RWDD1: variants seen among roughly 807,000 people sequenced by gnomAD.
RWDD1 encodes RWD domain containing 1.
In RWDD1, 17 loss-of-function variants were observed where a neutral mutation model predicts 31.6. That is an observed-to-expected ratio of 0.54 (90% CI 0.37 to 0.81). RWDD1 has a LOEUF of 0.81. Among genes scored for constraint, RWDD1 ranks in the 30% least tolerant of loss-of-function variants. The probability of loss-of-function intolerance (pLI) is 0.00; values close to 1 mark genes in which losing one functional copy is unlikely to be tolerated. For synonymous variants in RWDD1, 78 were observed against 94.2 expected, an observed-to-expected ratio of 0.83 and a Z score of 0.99; for missense variants, 204 against 274.5, an observed-to-expected ratio of 0.74 and a Z score of 1.82.
chr6:116,593,467 G>A lies in RWDD1; in HGVS notation c.*366G>A. Reference sequence around the variant, plus strand: ...TGGCTACTTCTGGATTTCAAGCATTGTATGAAGTGTGAGAAAACTGAGGTG... The same window carrying A: ...TGGCTACTTCTGGATTTCAAGCATTATATGAAGTGTGAGAAAACTGAGGTG... On this transcript the variant is annotated 3_prime_UTR_variant, in exon 7 of 7. Coordinates refer to ENST00000466444, the MANE Select transcript of RWDD1 (RefSeq NM_015952.4). The A allele has an allele frequency of 6.3e-6, 1 of 157,658 alleles. No homozygotes were observed. Among genetic ancestry groups the A allele is most frequent in the Non-Finnish European group, 1.4e-5 (1 of 71,890 alleles). 9.8% of individuals were successfully genotyped at this position (157,658 alleles called of 1,614,324 possible).
chr6:116,590,895 A>G lies in RWDD1; in HGVS notation c.555A>G (p.Gln185=), dbSNP rs774746240. The G allele has an allele frequency of 1.3e-6, 2 of 1,563,912 alleles. No individual in the cohort carries two copies. Among genetic ancestry groups the G allele is most frequent in the Non-Finnish European group, 1.7e-6 (2 of 1,164,134 alleles). The stretch of plus-strand genomic sequence containing the variant: ...CTTTTTTTTTTTTTTTAGGGAAACA[A>G]CTATTTGAAACAGATCATAATCTTG... The part of the protein sequence containing the change: ...QAGKNKLSGK[Q]LFETDHNLDT... The change falls in exon 6 of 7, where the codon CAA becomes CAG. Residue 185 remains glutamine (Q), a synonymous_variant. Transcript: ENST00000466444.
intron 1 of RWDD1, among the ~76,000 whole-genome samples, chr6:116,578,937 G>A (rs1237560662): frequency 2.0e-5 from 3 of 151,978 alleles, no homozygotes; most frequent in Non-Finnish European, 2.9e-5. Flanking sequence ...GTGCAGTGGC[G>A]CAATCTTGGC....
At chr6:116,587,706 A>G (rs557918440) in intron 3 of RWDD1, among the ~76,000 whole-genome samples, 2 of 151,880 alleles carry the variant, frequency 1.3e-5, no homozygotes, top group South Asian at 4.2e-4. Flanking sequence ...GTATGTATGT[A>G]TATATTGAGT....
chr6:116,578,110 T>C (rs1774882248), intron 1 of RWDD1, among the ~76,000 whole-genome samples: 1 of 152,224 alleles, frequency 6.6e-6, no homozygotes, highest in Non-Finnish European at 1.5e-5. Flanking sequence ...GTTTATTCTG[T>C]TTGTTCAGTT....
intron 3 of RWDD1, among the ~76,000 whole-genome samples, chr6:116,588,088 G>C (rs542200637): frequency 6.6e-6 from 1 of 152,104 alleles, no homozygotes; most frequent in Non-Finnish European, 1.5e-5. Context: ...ATTTAGGATG[G>C]TTAGCATAGA....
At position 116,596,296 on chromosome 6, in the gene RWDD1, T is replaced by C. The variant is rs574747272; in HGVS notation, c.*3195T>C. ...AGATGACACATGAAATGTGAGTTTA[T>C]GTAAACATGTAAATTTGAGTAGCAT... On this transcript the variant is annotated 3_prime_UTR_variant, in exon 7 of 7. Transcript: ENST00000466444. The C allele has an allele frequency of 1.3e-5, 2 of 152,382 alleles. No individual in the cohort carries two copies. Among genetic ancestry groups the C allele is most frequent in the South Asian group, 2.1e-4 (1 of 4,832 alleles). 9.4% of individuals were successfully genotyped at this position (152,382 alleles called of 1,614,324 possible). A position where few individuals can be genotyped will look rare whatever the true frequency, so the allele number is the denominator to read the frequency against.
chr6:116,580,316 G>A lies in RWDD1; in HGVS notation c.95G>A (p.Ser32Asn). ...SFTVLSENPPSFTITVTSEAG... is the reference protein window; with the variant it reads ...SFTVLSENPPNFTITVTSEAG... The stretch of plus-strand genomic sequence containing the variant: ...GCAGTATTATCAGAAAATCCACCCA[G>A]CTTCACCATTACTGTGACGTCTGAG... The change falls in exon 2 of 7, where the codon AGC (serine) becomes AAC (asparagine). Residue 32 changes from serine (S) to asparagine (N), a missense_variant. By Grantham distance (46) the Ser-to-Asn change is conservative. Transcript: ENST00000466444. 1 of 1,599,894 alleles carries A rather than the reference G, an allele frequency of 6.3e-7. No individual in the cohort carries two copies. The highest frequency in any genetic ancestry group is 8.5e-7 in the Non-Finnish European group (1 of 1,171,100).
rs1211031017 is a variant in RWDD1, at chr6:116,592,909, T to C, written c.611-71T>C. 7.9e-6 allele frequency: 12 copies of C among 1,522,300 alleles called. No homozygotes were observed. The East Asian group carries it at 2.7e-4, about 34-fold the overall frequency. The allele number at this position is 1,522,300 out of a possible 1,614,324, so 94.3% of individuals were successfully genotyped here. On this transcript the variant is annotated intron_variant, in intron 6 of 6. Transcript: ENST00000466444. ...GGAGATTTCTGTTTGGTAGTGCCAATGAGTTTTATCTTCTATTTCTGAGTA... is the reference window on the plus strand; with the variant it reads ...GGAGATTTCTGTTTGGTAGTGCCAACGAGTTTTATCTTCTATTTCTGAGTA...
intron 6 of RWDD1, 134 bp from the exon 7 acceptor site, chr6:116,592,846 G>T: frequency 1.1e-6 from 1 of 892,206 alleles, no homozygotes; most frequent in Admixed American, 2.8e-5. Context: ...GATAACTGTA[G>T]TTTGGGATTT....
intron 1 of RWDD1, 136 bp downstream of exon 1, chr6:116,571,791 CTCAAGT>C: frequency 1.7e-6 from 1 of 595,652 alleles, no homozygotes; most frequent in Admixed American, 3.8e-5. Flanking sequence ...CCCTCCACTC[CTCAAGT>C]TCTTCAGTCA....
Position 116,579,283 on chromosome 6 carries a change from A to C in RWDD1, c.74-1012A>C, listed in dbSNP as rs1401288101. Among the ~76,000 whole-genome samples, 6 of 152,240 alleles carry C rather than the reference A, an allele frequency of 3.9e-5. No individual in the cohort carries two copies. The East Asian group carries it at 1.2e-3, about 29-fold the overall frequency. On this transcript the variant is annotated intron_variant, in intron 1 of 6. Coordinates refer to ENST00000466444, the MANE Select transcript of RWDD1 (RefSeq NM_015952.4). ...TTCTTCAGTAATCCATTGCTCTTTC[A>C]TTCTGAAAAAGTCTGCAGAGCTGCT...
At chr6:116,582,961 T>G (rs1040875710) in intron 2 of RWDD1, among the ~76,000 whole-genome samples, 1 of 151,376 alleles carries the variant, frequency 6.6e-6, no homozygotes, top group Non-Finnish European at 1.5e-5. Flanking sequence ...TCTTTTTTTT[T>G]TTTTTTAATT....
At chr6:116,572,510 A>G (rs1430963586) in intron 1 of RWDD1, 2 of 152,194 alleles carry the variant, frequency 1.3e-5, no homozygotes, top group African/African-American at 4.8e-5. Flanking sequence ...TATTATAATG[A>G]GAAGTTCATT....
chr6:116,592,321 G>A (rs1313983148), intron 6 of RWDD1, among the ~76,000 whole-genome samples: 1 of 151,872 alleles, frequency 6.6e-6, no homozygotes, highest in East Asian at 1.9e-4. Context: ...TTTCTTCTTG[G>A]TGGATTCAAA....
Position 116,596,829 on chromosome 6 carries a change from A to G in RWDD1, c.*3728A>G, listed in dbSNP as rs1775245835. 6.6e-6 allele frequency: 1 copy of G among 152,160 alleles called. No individual in the cohort carries two copies. Among genetic ancestry groups the G allele is most frequent in the Non-Finnish European group, 1.5e-5 (1 of 68,020 alleles). 9.4% of individuals were successfully genotyped at this position (152,160 alleles called of 1,614,324 possible). On this transcript the variant is annotated 3_prime_UTR_variant, in exon 7 of 7. Coordinates refer to ENST00000466444, the MANE Select transcript of RWDD1 (RefSeq NM_015952.4). ...CTATGCGCCAGCCTTTCTTTGTGAT[A>G]ATGTTAATTTTTTTTTTCCTCCCCT...
chr6:116,572,073 G>C (rs1262582968), intron 1 of RWDD1, among the ~76,000 whole-genome samples: 2 of 151,764 alleles, frequency 1.3e-5, no homozygotes, highest in African/African-American at 4.8e-5. Flanking sequence ...TGCTGTTTTA[G>C]TTTATAGGAT....
At chr6:116,581,033 A>C (rs112805611) in intron 2 of RWDD1, among the ~76,000 whole-genome samples, 2 of 152,088 alleles carry the variant, frequency 1.3e-5, no homozygotes, top group Non-Finnish European at 2.9e-5. Flanking sequence ...TGCCAGGAGC[A>C]GTCATTAATA....
chr6:116,582,730 T>G (rs1356210886), intron 2 of RWDD1, among the ~76,000 whole-genome samples: 1 of 152,052 alleles, frequency 6.6e-6, no homozygotes, highest in African/African-American at 2.4e-5. Context: ...TCTATTGTTT[T>G]TCTGATGTAT....
chr6:116,584,450 A>G (rs1322596621), intron 2 of RWDD1, among the ~76,000 whole-genome samples: 2 of 152,324 alleles, frequency 1.3e-5, no homozygotes, highest in South Asian at 2.1e-4. Flanking sequence ...TTAAAAAGTG[A>G]CGTTTATCCA....
Sources: allele counts gnomAD v4.1 joint callset (sites outside exome capture counted in the v4.1 genomes callset), GRCh38; gene constraint gnomAD v4.1.1; transcripts MANE v1.5; gene names NCBI Gene and HGNC (gene_info 2026-07-23, HGNC 2026-07-21).